PPP2R2A: variants seen among roughly 807,000 people sequenced by gnomAD.
PPP2R2A encodes serine/threonine-protein phosphatase 2A 55 kDa regulatory subunit B alpha isoform.
Under a neutral mutation model 53.2 loss-of-function variants are expected in PPP2R2A, and 9 were observed. The observed-to-expected ratio is 0.17, with a 90% confidence interval of 0.10 to 0.30. PPP2R2A has a LOEUF of 0.30. Ranked by LOEUF, PPP2R2A falls within the 10% of genes least tolerant of loss-of-function variation. The pLI is 1.00. For missense variants in PPP2R2A, 235 were observed against 534.6 expected (o/e 0.44, Z 5.53); for synonymous variants, 169 against 174.2 (o/e 0.97, Z 0.23).
At chr8:26,323,005 A>G (rs948514026) in intron 2 of PPP2R2A, among the ~76,000 whole-genome samples, 1 of 152,164 alleles carries the variant, frequency 6.6e-6, no homozygotes, top group Non-Finnish European at 1.5e-5. Context: ...GCCTCCTTTT[A>G]AAAACACGGT....
intron 2 of PPP2R2A, among the ~76,000 whole-genome samples, chr8:26,296,033 A>G (rs1469994961): frequency 1.3e-5 from 2 of 152,098 alleles, no homozygotes. Flanking sequence ...TCCCGTCTAC[A>G]TGCAGTCAGC....
chr8:26,337,711 G>T (rs1480078247), intron 2 of PPP2R2A, among the ~76,000 whole-genome samples: 1 of 152,190 alleles, frequency 6.6e-6, no homozygotes, highest in East Asian at 1.9e-4. Flanking sequence ...TTGAGTTGTT[G>T]TCCAAACAGT....
chr8:26,358,183 C>T (rs982434291), intron 4 of PPP2R2A, among the ~76,000 whole-genome samples: 36 of 146,214 alleles, frequency 2.5e-4, no homozygotes, highest in Middle Eastern at 3.6e-3. Context: ...TATTAGGCAC[C>T]ACAAACTAAT....
intron 2 of PPP2R2A, among the ~76,000 whole-genome samples, chr8:26,329,909 G>A (rs1803282170): frequency 6.6e-6 from 1 of 151,998 alleles, no homozygotes; most frequent in African/African-American, 2.4e-5. Context: ...TTTGAGTTGT[G>A]GGTACCATAT....
In PPP2R2A at chr8:26,340,649, A is replaced by C. The variant is rs367880784; in HGVS notation, c.180+1662A>C. On this transcript the variant is annotated intron_variant, in intron 3 of 9. Transcript: ENST00000380737. ...TAATTTGGAACTATTTTGCCTGAGAATGAAGTCATTTTCATCTCCTGTGGT... is the reference window on the plus strand; with the variant it reads ...TAATTTGGAACTATTTTGCCTGAGACTGAAGTCATTTTCATCTCCTGTGGT... Among the ~76,000 whole-genome samples, 11 of 152,224 alleles carry C rather than the reference A, an allele frequency of 7.2e-5. No individual in the cohort carries two copies. In the East Asian group the frequency reaches 1.3e-3, roughly 19 times the overall value.
Position 26,291,661 on chromosome 8 carries a change from C to T in PPP2R2A, c.-159C>T, listed in dbSNP as rs1801298361. On this transcript the variant is annotated 5_prime_UTR_variant, in exon 1 of 10. Coordinates refer to ENST00000380737, the MANE Select transcript of PPP2R2A (RefSeq NM_002717.4). ...CTAGCATCCTGCCGGCTGGTCTGCC[C>T]GCCCCTCCTTCCTTTTCCCCCCGGC... The T allele has an allele frequency of 1.5e-6, 1 of 668,724 alleles. No individual in the cohort carries two copies. Among genetic ancestry groups the T allele is most frequent in the Non-Finnish European group, 2.5e-6 (1 of 399,130 alleles). The allele number at this position is 668,724 out of a possible 1,614,324, so 41.4% of individuals were successfully genotyped here.
chr8:26,369,874 A>C (rs543045590), intron 9 of PPP2R2A, among the ~76,000 whole-genome samples: 39 of 152,258 alleles, frequency 2.6e-4, no homozygotes, highest in African/African-American at 6.7e-4. Flanking sequence ...ATAATTCTGC[A>C]CTCCTAAGAA....
chr8:26,296,121 A>G (rs1801529923), intron 2 of PPP2R2A, among the ~76,000 whole-genome samples: 1 of 151,916 alleles, frequency 6.6e-6, no homozygotes, highest in African/African-American at 2.4e-5. Flanking sequence ...TCAGGTTTGC[A>G]CTCTCCCTCA....
intron 2 of PPP2R2A, among the ~76,000 whole-genome samples, chr8:26,322,533 A>G (rs75957078): frequency 0.012 from 1,788 of 152,262 alleles, 13 homozygotes; most frequent in Middle Eastern, 0.037. Flanking sequence ...TAGGCAGTGC[A>G]ACAAGATGGC....
At chr8:26,292,330 T>C (rs1340866416) in intron 1 of PPP2R2A, 1 of 987,102 alleles carries the variant, frequency 1.0e-6, no homozygotes, top group Non-Finnish European at 1.2e-6. Flanking sequence ...TGTGTATTTT[T>C]TCCCCACTGT....
chr8:26,359,871 A>T (rs982386389), intron 4 of PPP2R2A, among the ~76,000 whole-genome samples: 1 of 152,222 alleles, frequency 6.6e-6, no homozygotes, highest in African/African-American at 2.4e-5. Flanking sequence ...TACACCACAC[A>T]TGCATATCAA....
chr8:26,310,416 ATATG>A (rs1268298126), intron 2 of PPP2R2A, among the ~76,000 whole-genome samples: 1 of 150,428 alleles, frequency 6.6e-6, no homozygotes, highest in African/African-American at 2.4e-5. Flanking sequence ...TCCACAGCAA[ATATG>A]TATTTTCAAA....
intron 2 of PPP2R2A, among the ~76,000 whole-genome samples, chr8:26,322,951 G>C (rs944899095): frequency 6.6e-6 from 1 of 152,144 alleles, no homozygotes; most frequent in South Asian, 2.1e-4. Flanking sequence ...TTCATTCTCA[G>C]CCCTCTCTTG....
chr8:26,292,516 A>T (rs1295308961), intron 1 of PPP2R2A: 2 of 891,132 alleles, frequency 2.2e-6, no homozygotes, highest in East Asian at 2.4e-4. Flanking sequence ...TCCTTTTCCC[A>T]AAAGGGTTTG....
intron 3 of PPP2R2A, among the ~76,000 whole-genome samples, chr8:26,348,370 T>C (rs777797637): frequency 5.9e-5 from 9 of 152,252 alleles, no homozygotes; most frequent in African/African-American, 1.2e-4. Context: ...TGGAGACTTA[T>C]TGAATGCTGA....
At chr8:26,356,736 T>C (rs944920438) in intron 4 of PPP2R2A, among the ~76,000 whole-genome samples, 2 of 152,226 alleles carry the variant, frequency 1.3e-5, no homozygotes, top group Admixed American at 6.5e-5. Flanking sequence ...TTATTTCTTA[T>C]AGGGCTACAT....
chr8:26,332,162 C>T (rs1485720413), intron 2 of PPP2R2A, among the ~76,000 whole-genome samples: 3 of 151,616 alleles, frequency 2.0e-5, no homozygotes, highest in East Asian at 1.9e-4. Flanking sequence ...AAGAGCAAGC[C>T]GGCCAACATA....
intron 2 of PPP2R2A, chr8:26,298,608 G>A (rs1801645313): frequency 6.6e-6 from 1 of 152,056 alleles, no homozygotes; most frequent in South Asian, 2.1e-4. Context: ...TCATCCTCAA[G>A]GTAATACAGT....
intron 2 of PPP2R2A, among the ~76,000 whole-genome samples, chr8:26,306,595 C>A (rs1030568739): frequency 6.6e-6 from 1 of 151,916 alleles, no homozygotes; most frequent in Non-Finnish European, 1.5e-5. Flanking sequence ...ACTTTTCCCA[C>A]TGTATTAATC....
Sources: gnomAD v4.1 joint callset for allele counts (sites outside exome capture counted in the v4.1 genomes callset) on GRCh38, gnomAD v4.1.1 for gene constraint, MANE v1.5 for transcripts, NCBI Gene and HGNC (gene_info 2026-07-23, HGNC 2026-07-21) for gene names.